Variants in SERPINA1 observed in about 807,000 individuals in gnomAD.
SERPINA1 encodes alpha-1-antitrypsin.
A neutral mutation model predicts 25.4 loss-of-function variants in SERPINA1; 21 were observed. The ratio of observed to expected loss-of-function variants is 0.83; its 90% CI spans 0.59 to 1.19. The LOEUF (loss-of-function observed/expected upper bound fraction) is 1.19, where lower values mean the gene tolerates loss of function less well. Among genes scored for constraint, SERPINA1 ranks in the 50% most tolerant of loss-of-function variants. The probability of loss-of-function intolerance (pLI) is 0.00; values close to 1 mark genes in which losing one functional copy is unlikely to be tolerated. For synonymous variants in SERPINA1, 218 were observed against 211.1 expected, an observed-to-expected ratio of 1.03 and a Z score of -0.29; for missense variants, 546 against 509.0, an observed-to-expected ratio of 1.07 and a Z score of -0.70.
rs766034720 is a variant in SERPINA1, at chr14:94,382,646, T to C, written c.592A>G (p.Lys198Glu). 31 of 1,614,132 alleles carry C rather than the reference T, an allele frequency of 1.9e-5. No individual in the cohort carries two copies. Among genetic ancestry groups the C allele is most frequent in the Non-Finnish European group, 2.5e-5 (29 of 1,180,056 alleles). Residue 198 changes from lysine to glutamate, a missense_variant, in exon 2 of 5, where the codon AAG (lysine) becomes GAG (glutamate). Coordinates refer to ENST00000393087, the MANE Select transcript of SERPINA1 (RefSeq NM_000295.5). ...AAAACTGTGTCTCTGTCAAGCTCCTTGACCAAATCCACAATTTTCCCTTGA... is the reference window on the plus strand; with the variant it reads ...AAAACTGTGTCTCTGTCAAGCTCCTCGACCAAATCCACAATTTTCCCTTGA... ...GTQGKIVDLV[K>E]ELDRDTVFAL...
rs2854256 is a variant in SERPINA1 at position 94,387,058 on chromosome 14, A to G, written c.-5+1502T>C. ...TTTTGTCTGGGATTAAACAGATTTC[A>G]CTCCAAAACCTGACATTGAATCATC... On this transcript the variant is annotated intron_variant, in intron 1 of 4. Transcript: ENST00000393087. Among the ~76,000 whole-genome samples the G allele has an allele frequency of 4.6e-5, 7 of 152,326 alleles. No individual in the cohort carries two copies. In the South Asian group the frequency reaches 1.0e-3, roughly 23 times the overall value.
At chr14:94,384,770 A>T (rs189027503) in intron 1 of SERPINA1, among the ~76,000 whole-genome samples, 2 of 152,342 alleles carry the variant, frequency 1.3e-5, no homozygotes, top group Admixed American at 1.3e-4. Context: ...GGAAATGAAA[A>T]ACTGGAGAAA....
intron 1 of SERPINA1, among the ~76,000 whole-genome samples, chr14:94,386,861 C>A (rs1212879078): frequency 2.0e-5 from 3 of 152,212 alleles, no homozygotes; most frequent in Admixed American, 1.3e-4. Context: ...TTACTAACAC[C>A]TGGTGTTTTA....
intron 2 of SERPINA1, 76 bp from the exon 3 acceptor site, chr14:94,381,217 G>A (rs983066172): frequency 1.2e-5 from 17 of 1,464,490 alleles, no homozygotes; most frequent in African/African-American, 1.0e-4. Context: ...AAGAAACCAT[G>A]AGTCCCCTCC....
At chr14:94,388,469 AC>A in intron 1 of SERPINA1, 90 bp downstream of exon 1, 1 of 151,666 alleles carries the variant, frequency 6.6e-6, no homozygotes, top group Non-Finnish European at 1.5e-5. Context: ...CCACTCCACA[AC>A]CCCCCTCCTG....
At position 94,379,468 on chromosome 14, in the gene SERPINA1, G is replaced by C; in HGVS notation, c.1061C>G (p.Ser354Cys). 2 of 1,614,208 alleles carry C rather than the reference G, an allele frequency of 1.2e-6. No homozygotes were observed. Among genetic ancestry groups the C allele is most frequent in the Non-Finnish European group, 8.5e-7 (1 of 1,180,042 alleles). The change falls in exon 4 of 5, where the codon TCC becomes TGC. Residue 354 changes from serine to cysteine, a missense_variant. Ser to Cys is a moderately radical substitution (Grantham distance 112). Transcript: ENST00000393087. ...GVTEEAPLKL[S>C]KAVHKAVLTI... ...AGGTCGTCAGGGTGATCTCACCTTG[G>C]AGAGCTTCAGGGGTGCCTCCTCTGT... is the stretch of plus-strand genomic sequence containing the variant.
At chr14:94,381,537 C>G (rs1439015273) in intron 2 of SERPINA1, among the ~76,000 whole-genome samples, 4 of 152,228 alleles carry the variant, frequency 2.6e-5, no homozygotes, top group Non-Finnish European at 4.4e-5. Flanking sequence ...TAATTGGCAG[C>G]TCAGTTATTC....
chr14:94,388,006 G>A (rs565270312), intron 1 of SERPINA1, among the ~76,000 whole-genome samples: 4 of 152,126 alleles, frequency 2.6e-5, no homozygotes, highest in Non-Finnish European at 5.9e-5. Flanking sequence ...GTAAGGCTGA[G>A]GCCTGGCACA....
chr14:94,389,424 A>G, upstream of SERPINA1: 1 of 152,430 alleles, frequency 6.6e-6, no homozygotes, highest in Non-Finnish European at 1.5e-5. Context: ...TGCTCAGAGC[A>G]GGAGGAGGTT....
chr14:94,389,925 G>T (rs1570142), upstream of SERPINA1: 79,713 of 152,012 alleles, frequency 0.52, 21,394 homozygotes, highest in African/African-American at 0.61. Context: ...GGATGGTGAC[G>T]GTATGTACCT....
In SERPINA1 at chr14:94,378,124, T is replaced by G. The variant is rs1442652096; in HGVS notation, c.*325A>C. On this transcript the variant is annotated 3_prime_UTR_variant, in exon 5 of 5. Transcript: ENST00000393087. ...TGGTTCCTCCCCTGTGATTCCTTCT[T>G]GGGGACTCCAAGACAGGACAAGGAA... 4 of 374,250 alleles carry G rather than the reference T, an allele frequency of 1.1e-5. No homozygotes were observed. Among genetic ancestry groups the G allele is most frequent in the Non-Finnish European group, 2.0e-5 (4 of 203,712 alleles). The allele number at this position is 374,250 out of a possible 1,614,324, so 23.2% of individuals were successfully genotyped here.
At chr14:94,384,855 C>G (rs111244614) in intron 1 of SERPINA1, among the ~76,000 whole-genome samples, 36 of 152,322 alleles carry the variant, frequency 2.4e-4, no homozygotes, top group African/African-American at 8.4e-4. Context: ...AATAAAGCAA[C>G]AAATGAAGTG....
chr14:94,378,109 C>T lies in SERPINA1; in HGVS notation c.*340G>A. 3 of 330,532 alleles carry T rather than the reference C, an allele frequency of 9.1e-6. No homozygotes were observed. In the South Asian group the frequency reaches 1.2e-4, roughly 13 times the overall value. The allele number at this position is 330,532 out of a possible 1,614,324, so 20.5% of individuals were successfully genotyped here. A position where few individuals can be genotyped will look rare whatever the true frequency, so the allele number is the denominator to read the frequency against. On this transcript the variant is annotated 3_prime_UTR_variant, in exon 5 of 5. Transcript: ENST00000393087. The stretch of plus-strand genomic sequence containing the variant: ...GTCATGGCTGGTATCTGGTTCCTCC[C>T]CTGTGATTCCTTCTTGGGGACTCCA...
intron 4 of SERPINA1, chr14:94,379,170 G>A (rs1896647384): frequency 1.7e-6 from 1 of 596,082 alleles, no homozygotes; most frequent in East Asian, 2.8e-5. Context: ...TTCTGTGTCA[G>A]TATGGATAAA....
In SERPINA1 at chr14:94,380,876, G is replaced by A. The variant is rs1413620832; in HGVS notation, c.912C>T (p.Asp304=). The change falls in exon 3 of 5, where the codon GAC becomes GAT. Residue 304 remains aspartate (D), a synonymous_variant. Transcript: ENST00000393087. Reference sequence around the variant, plus strand: ...CCCTCAGGTTGGGGAATCACCTTCTGTCTTCATTTTCCAGGAACTTGGTGA... The same window carrying A: ...CCCTCAGGTTGGGGAATCACCTTCTATCTTCATTTTCCAGGAACTTGGTGA... ...DIITKFLENE[D]RRSASLHLPK... 1.2e-6 allele frequency: 2 copies of A among 1,614,134 alleles called. No homozygotes were observed. Among genetic ancestry groups the A allele is most frequent in the Non-Finnish European group, 1.7e-6 (2 of 1,180,060 alleles).
At chr14:94,384,078 T>C (rs1248062055) in intron 1 of SERPINA1, 4 of 152,184 alleles carry the variant, frequency 2.6e-5, no homozygotes, top group Non-Finnish European at 5.9e-5. Context: ...GGGCTCTTGC[T>C]GTCAGGGGCT....
At chr14:94,387,758 C>T (rs1196113542) in intron 1 of SERPINA1, among the ~76,000 whole-genome samples, 1 of 152,110 alleles carries the variant, frequency 6.6e-6, no homozygotes, top group African/African-American at 2.4e-5. Context: ...GATTTGGGGC[C>T]AGTTATTCAC....
intron 1 of SERPINA1, among the ~76,000 whole-genome samples, chr14:94,386,880 G>T (rs879694560): frequency 6.6e-6 from 1 of 152,126 alleles, no homozygotes; most frequent in Non-Finnish European, 1.5e-5. Flanking sequence ...TACAGGCACC[G>T]TATCATCTAA....
intron 4 of SERPINA1, 148 bp from the exon 5 acceptor site, chr14:94,378,788 C>T (rs1215191314): frequency 3.4e-6 from 3 of 872,956 alleles, no homozygotes; most frequent in Non-Finnish European, 5.5e-6. Context: ...AGGCCTTGCT[C>T]CTCCTCAAGG....
Sources: gnomAD v4.1 joint callset for allele counts (sites outside exome capture counted in the v4.1 genomes callset) on GRCh38, gnomAD v4.1.1 for gene constraint, MANE v1.5 for transcripts, NCBI Gene and HGNC (gene_info 2026-07-23, HGNC 2026-07-21) for gene names.